Variants in DLG2 observed in about 807,000 individuals in gnomAD.
DLG2 encodes discs large MAGUK scaffold protein 2.
A neutral mutation model predicts 132.5 loss-of-function variants in DLG2; 45 were observed. That is an observed-to-expected ratio of 0.34 (90% CI 0.27 to 0.44). DLG2 has a LOEUF of 0.44. Among genes scored for constraint, DLG2 ranks in the 20% least tolerant of loss-of-function variants. The probability of loss-of-function intolerance (pLI) is 1.00; values close to 1 mark genes in which losing one functional copy is unlikely to be tolerated. For synonymous variants in DLG2, 424 were observed against 419.6 expected (o/e 1.01, Z -0.13); for missense variants, 1,045 against 1,196.9 (o/e 0.87, Z 1.87).
chr11:83,873,663 T>C (rs900259262), intron 16 of DLG2, among the ~76,000 whole-genome samples: 4 of 152,188 alleles, frequency 2.6e-5, no homozygotes, highest in African/African-American at 9.6e-5. Context: ...CAACAGGTGA[T>C]TGGTAGATAA....
At chr11:84,710,279 A>C (rs1002104561) in intron 6 of DLG2, among the ~76,000 whole-genome samples, 9 of 151,952 alleles carry the variant, frequency 5.9e-5, no homozygotes, top group Non-Finnish European at 1.0e-4. Context: ...CCAAGGCAGG[A>C]ACTATTTTAC....
intron 6 of DLG2, among the ~76,000 whole-genome samples, chr11:84,781,358 A>T (rs1275988780): frequency 6.6e-6 from 1 of 151,770 alleles, no homozygotes; most frequent in African/African-American, 2.4e-5. Context: ...GAAGTTAGTT[A>T]AGGGTTTTCT....
At chr11:85,566,317 G>A (rs1337602825) in intron 3 of DLG2, among the ~76,000 whole-genome samples, 3 of 151,988 alleles carry the variant, frequency 2.0e-5, no homozygotes, top group African/African-American at 7.3e-5. Flanking sequence ...TTCCTTTGAA[G>A]CACAAATGGT....
At chr11:85,387,050 G>C (rs1443710975) in intron 3 of DLG2, among the ~76,000 whole-genome samples, 1 of 150,378 alleles carries the variant, frequency 6.6e-6, no homozygotes, top group Non-Finnish European at 1.5e-5. Context: ...ACCACACTCA[G>C]ATAATTTTTG....
In DLG2 at chr11:83,796,114, A is replaced by T. The variant is rs182322192; in HGVS notation, c.1723-9322T>A. ...CCTGGCATAGGGTCAGGCAAATAAT[A>T]GGTGCAAAAGAATAAAAGAGGATTG... On this transcript the variant is annotated intron_variant, in intron 17 of 27. Coordinates refer to ENST00000376104, the MANE Select transcript of DLG2 (RefSeq NM_001142699.3). Among the ~76,000 whole-genome samples, 55 of 152,340 alleles carry T rather than the reference A, an allele frequency of 3.6e-4. 1 individual carries two copies. The highest frequency in any genetic ancestry group is 1.3e-3 in the African/African-American group (54 of 41,580).
chr11:83,537,111 A>C (rs541742640), intron 20 of DLG2, among the ~76,000 whole-genome samples: 51 of 152,320 alleles, frequency 3.3e-4, no homozygotes, highest in African/African-American at 1.2e-3. Context: ...TCCCTGTCCA[A>C]GTCTCATCAC....
chr11:84,546,125 T>A (rs1032625911), intron 6 of DLG2, among the ~76,000 whole-genome samples: 1 of 152,114 alleles, frequency 6.6e-6, no homozygotes, highest in Non-Finnish European at 1.5e-5. Flanking sequence ...CCCACCCAAA[T>A]CTCAAGTTGA....
chr11:84,606,904 G>A (rs897074006), intron 6 of DLG2, among the ~76,000 whole-genome samples: 14 of 151,950 alleles, frequency 9.2e-5, no homozygotes, highest in African/African-American at 3.1e-4. Context: ...CTGGACCCTC[G>A]CATGTACCAG....
chr11:84,762,973 AT>A (rs1191693212), intron 6 of DLG2, among the ~76,000 whole-genome samples: 10 of 152,200 alleles, frequency 6.6e-5, no homozygotes, highest in Admixed American at 4.6e-4. Flanking sequence ...TGAAAAAAAA[AT>A]ATTTTATAAC....
At chr11:84,139,881 A>T (rs553172721) in intron 9 of DLG2, among the ~76,000 whole-genome samples, 1 of 152,326 alleles carries the variant, frequency 6.6e-6, no homozygotes, top group Admixed American at 6.5e-5. Flanking sequence ...TACAAGATAA[A>T]AACTTGGTAT....
At chr11:84,341,942 G>A (rs2098516888) in intron 7 of DLG2, among the ~76,000 whole-genome samples, 1 of 152,192 alleles carries the variant, frequency 6.6e-6, no homozygotes, top group Non-Finnish European at 1.5e-5. Context: ...TTTAGTGGAG[G>A]AGATATGACA....
intron 18 of DLG2, among the ~76,000 whole-genome samples, chr11:83,768,580 T>G (rs1227147960): frequency 6.6e-6 from 1 of 152,224 alleles, no homozygotes; most frequent in Non-Finnish European, 1.5e-5. Context: ...ATTGCTCAGA[T>G]AGTTGGTGTA....
chr11:84,055,233 C>T (rs1049212792), intron 11 of DLG2, among the ~76,000 whole-genome samples: 31 of 152,046 alleles, frequency 2.0e-4, no homozygotes, highest in African/African-American at 7.0e-4. Flanking sequence ...TGAAACACCA[C>T]CATATATTTT....
intron 7 of DLG2, among the ~76,000 whole-genome samples, chr11:84,445,708 A>G (rs561569274): frequency 3.1e-4 from 47 of 152,064 alleles, no homozygotes; most frequent in South Asian, 2.3e-3. Flanking sequence ...CTAGCTCAGG[A>G]GATCGAGACC....
At chr11:84,273,729 A>G (rs1477878350) in intron 7 of DLG2, among the ~76,000 whole-genome samples, 1 of 152,176 alleles carries the variant, frequency 6.6e-6, no homozygotes, top group Non-Finnish European at 1.5e-5. Flanking sequence ...AGATGTCAGC[A>G]CTTGTTTGCT....
chr11:83,656,393 C>T (rs1462582091), intron 18 of DLG2, among the ~76,000 whole-genome samples: 1 of 152,156 alleles, frequency 6.6e-6, no homozygotes, highest in Non-Finnish European at 1.5e-5. Context: ...TCAGATTTCT[C>T]TCCAGCAATC....
At chr11:84,131,526 T>C (rs1566638054) in intron 9 of DLG2, among the ~76,000 whole-genome samples, 1 of 152,012 alleles carries the variant, frequency 6.6e-6, no homozygotes, top group Non-Finnish European at 1.5e-5. Context: ...CATTCATTCA[T>C]TCATATTTGT....
intron 3 of DLG2, among the ~76,000 whole-genome samples, chr11:85,353,881 T>G (rs944415918): frequency 1.3e-5 from 2 of 151,800 alleles, no homozygotes; most frequent in Admixed American, 6.6e-5. Flanking sequence ...GAAAAATACC[T>G]AACGTAAATG....
intron 25 of DLG2, among the ~76,000 whole-genome samples, chr11:83,467,587 A>G (rs946506908): frequency 4.6e-5 from 7 of 151,350 alleles, no homozygotes; most frequent in African/African-American, 1.7e-4. Context: ...TGTCTCTGCT[A>G]AAAATCCAAA....
Sources: allele counts gnomAD v4.1 joint callset (sites outside exome capture counted in the v4.1 genomes callset), GRCh38; gene constraint gnomAD v4.1.1; transcripts MANE v1.5; gene names NCBI Gene and HGNC (gene_info 2026-07-23, HGNC 2026-07-21).